Variants in CCSER2 observed in about 807,000 individuals in gnomAD.
The protein encoded by CCSER2 is coiled-coil serine rich protein 2.
Under a neutral mutation model 92.3 loss-of-function variants are expected in CCSER2, and 46 were observed. The observed-to-expected ratio is 0.50, with a 90% CI of 0.39 to 0.64. The LOEUF (loss-of-function observed/expected upper bound fraction) is 0.64. Ranked by LOEUF, CCSER2 falls within the 30% of genes least tolerant of loss-of-function variation. The pLI is 0.00. For synonymous variants in CCSER2, 433 were observed against 431.4 expected (o/e 1.00, Z -0.04); for missense variants, 1,244 against 1,238.9 (o/e 1.00, Z -0.06).
chr10:84,447,168 A>G (rs1419953265), intron 6 of CCSER2, among the ~76,000 whole-genome samples: 1 of 152,124 alleles, frequency 6.6e-6, no homozygotes, highest in Non-Finnish European at 1.5e-5. Flanking sequence ...CCCTAGAAAA[A>G]CCAAACTGTT....
In CCSER2 at chr10:84,371,519, C is replaced by T. The variant is rs765122617; in HGVS notation, c.467C>T (p.Thr156Ile). The T allele has an allele frequency of 2.5e-6, 4 of 1,613,534 alleles. No individual in the cohort carries two copies. Among genetic ancestry groups the T allele is most frequent in the Non-Finnish European group, 3.4e-6 (4 of 1,179,650 alleles). ...AATTTGGGTAAATTCACCAAAGGCA[C>T]ATTATTAGGAAGGACTTCATATTCT... ...PSNLGKFTKG[T>I]LLGRTSYSSI... The change falls in exon 2 of 10, where the codon ACA becomes ATA. Residue 156 changes from threonine (T) to isoleucine (I), a missense_variant. Thr to Ile is a moderately conservative substitution (Grantham distance 89). Transcript: ENST00000372088.
intron 1 of CCSER2, among the ~76,000 whole-genome samples, chr10:84,341,102 T>C (rs1844155502): frequency 6.8e-6 from 1 of 146,042 alleles, no homozygotes; most frequent in African/African-American, 2.6e-5. Flanking sequence ...GTGCAGTGGC[T>C]TGATTATAGG....
intron 6 of CCSER2, chr10:84,452,314 G>A (rs1210984069): frequency 6.6e-6 from 1 of 152,144 alleles, no homozygotes; most frequent in East Asian, 1.9e-4. Context: ...GGGTAAGATG[G>A]AGTTTGTTAC....
rs1409693413 is a variant in CCSER2, at chr10:84,371,688, T to G, written c.636T>G (p.Ser212=). ...CTCAATCCCCAGACAGTAGTAAATC[T>G]ATTAATTGTGAAAAAATGGTAAGGT... is the stretch of plus-strand genomic sequence containing the variant. ...SLAQSPDSSK[S]INCEKMVRSQ... is the part of the protein sequence containing the mutation. Residue 212 remains serine, a synonymous_variant, in exon 2 of 10, where the codon TCT becomes TCG. Coordinates refer to ENST00000372088, the MANE Select transcript of CCSER2 (RefSeq NM_001284240.2). The G allele has an allele frequency of 1.5e-5, 25 of 1,613,660 alleles. No homozygotes were observed. Among genetic ancestry groups the G allele is most frequent in the Non-Finnish European group, 1.9e-5 (23 of 1,179,918 alleles).
At chr10:84,504,200 G>A (rs1394557318) in intron 9 of CCSER2, among the ~76,000 whole-genome samples, 3 of 151,964 alleles carry the variant, frequency 2.0e-5, no homozygotes. Context: ...ATATAAATAT[G>A]AGCATTTAGG....
chr10:84,417,826 A>G lies in CCSER2; in HGVS notation c.1670A>G (p.Asp557Gly). Residue 557 changes from aspartate to glycine, a missense_variant, in exon 4 of 10, where the codon GAT becomes GGT. Coordinates refer to ENST00000372088, the MANE Select transcript of CCSER2 (RefSeq NM_001284240.2). The stretch of plus-strand genomic sequence containing the variant: ...CTTGAGGATGATGATCTTATGCTTG[A>G]TGTGGATCTGCCTGAGGATGCACCT... ...CDLEDDDLML[D>G]VDLPEDAPLE... is the part of the protein sequence containing the mutation. The G allele has an allele frequency of 6.3e-7, 1 of 1,595,440 alleles. No individual in the cohort carries two copies. Among genetic ancestry groups the G allele is most frequent in the South Asian group, 1.1e-5 (1 of 90,700 alleles).
At chr10:84,426,250 C>CT (rs1843429373) in intron 5 of CCSER2, among the ~76,000 whole-genome samples, 1 of 152,102 alleles carries the variant, frequency 6.6e-6, no homozygotes, top group South Asian at 2.1e-4. Flanking sequence ...AGTGATTGGT[C>CT]TTTTGCTCAT....
At chr10:84,367,292 A>G (rs1845823274) in intron 1 of CCSER2, among the ~76,000 whole-genome samples, 1 of 150,686 alleles carries the variant, frequency 6.6e-6, no homozygotes, top group Non-Finnish European at 1.5e-5. Flanking sequence ...TAGTTATTCT[A>G]CTTCAGGGAT....
chr10:84,514,127 A>G lies in CCSER2; in HGVS notation c.3004A>G (p.Ser1002Gly). The change falls in exon 10 of 10, where the codon AGC (serine) becomes GGC (glycine). Residue 1002 changes from serine to glycine, a missense_variant. Transcript: ENST00000372088. ...AAACAGCCCCCAACTAGAGCCTCAA[A>G]GCTTCCAGGCCAAGACAAGCATCCC... is the stretch of plus-strand genomic sequence containing the variant. ...QTNSPQLEPQSFQAKTSIPRP... is the reference protein window; with the variant it reads ...QTNSPQLEPQGFQAKTSIPRP... 6.5e-7 allele frequency: 1 copy of G among 1,536,244 alleles called. No homozygotes were observed. The highest frequency in any genetic ancestry group is 8.7e-7 in the Non-Finnish European group (1 of 1,146,938).
chr10:84,475,971 A>G (rs1029634611), intron 8 of CCSER2, among the ~76,000 whole-genome samples: 1 of 152,024 alleles, frequency 6.6e-6, no homozygotes, highest in African/African-American at 2.4e-5. Context: ...AGCTGGGACT[A>G]CAGGCACATG....
At chr10:84,410,236 T>A (rs914220440) in intron 3 of CCSER2, among the ~76,000 whole-genome samples, 2 of 152,222 alleles carry the variant, frequency 1.3e-5, no homozygotes, top group Admixed American at 1.3e-4. Flanking sequence ...CATGCATGTA[T>A]CTTTATATAA....
At chr10:84,342,657 C>G (rs1449964967) in intron 1 of CCSER2, among the ~76,000 whole-genome samples, 1 of 152,158 alleles carries the variant, frequency 6.6e-6, no homozygotes, top group Non-Finnish European at 1.5e-5. Context: ...GCAGCAAAAC[C>G]TTCTACATTC....
intron 9 of CCSER2, among the ~76,000 whole-genome samples, chr10:84,512,387 T>A (rs567429863): frequency 0.011 from 1,064 of 100,870 alleles, 8 homozygotes; most frequent in Non-Finnish European, 0.017. Flanking sequence ...TGTGTGTGTG[T>A]GTGTGTGTGA....
chr10:84,504,076 A>C (rs909344486), intron 9 of CCSER2, among the ~76,000 whole-genome samples: 14 of 152,306 alleles, frequency 9.2e-5, no homozygotes, highest in African/African-American at 3.4e-4. Context: ...TAAAAGATTC[A>C]TGGGACAATA....
At chr10:84,449,258 C>T (rs1845119921) in intron 6 of CCSER2, among the ~76,000 whole-genome samples, 1 of 151,942 alleles carries the variant, frequency 6.6e-6, no homozygotes. Flanking sequence ...GCCTGTAGTC[C>T]CAGCTACTTG....
At chr10:84,437,841 T>C (rs145028331) in intron 5 of CCSER2, among the ~76,000 whole-genome samples, 1 of 151,130 alleles carries the variant, frequency 6.6e-6, no homozygotes, top group Non-Finnish European at 1.5e-5. Flanking sequence ...GCCTCCTAAG[T>C]AACTAGGATT....
intron 3 of CCSER2, among the ~76,000 whole-genome samples, chr10:84,397,236 C>G (rs1253714241): frequency 6.6e-6 from 1 of 152,186 alleles, no homozygotes; most frequent in East Asian, 1.9e-4. Context: ...ATAATCTACT[C>G]ATAAAATCAT....
Position 84,496,452 on chromosome 10 carries a change from A to AT in CCSER2, c.2326-16991dup, listed in dbSNP as rs1048420857. Among the ~76,000 whole-genome samples, 4 of 151,828 alleles carry AT rather than the reference A, an allele frequency of 2.6e-5. No individual in the cohort carries two copies. The South Asian group carries it at 6.3e-4, about 24-fold the overall frequency. Reference sequence around the variant, plus strand: ...AGGCGCCCGCCACCACGCCCGGCTAATTTTTTGTATTTTTAGTAGAGATGG... The same window carrying AT: ...AGGCGCCCGCCACCACGCCCGGCTAATTTTTTTGTATTTTTAGTAGAGATGG... On this transcript the variant is annotated intron_variant, in intron 9 of 9. Coordinates refer to ENST00000372088, the MANE Select transcript of CCSER2 (RefSeq NM_001284240.2).
chr10:84,366,632 A>G (rs1280491967), intron 1 of CCSER2, among the ~76,000 whole-genome samples: 2 of 152,234 alleles, frequency 1.3e-5, no homozygotes, highest in African/African-American at 4.8e-5. Context: ...TAGCAAAGGC[A>G]AAGAAGTTAG....
Sources: gnomAD v4.1 joint callset for allele counts (sites outside exome capture counted in the v4.1 genomes callset) on GRCh38, gnomAD v4.1.1 for gene constraint, MANE v1.5 for transcripts, NCBI Gene and HGNC (gene_info 2026-07-23, HGNC 2026-07-21) for gene names.